The following AGBL1 variants were observed in gnomAD, a reference collection of about 807,000 sequenced individuals.
The protein encoded by AGBL1 is AGBL carboxypeptidase 1.
A neutral mutation model predicts 118.9 loss-of-function variants in AGBL1; 130 were observed. The ratio of observed to expected loss-of-function variants is 1.09; its 90% confidence interval spans 0.95 to 1.26. The LOEUF (loss-of-function observed/expected upper bound fraction) is 1.26. Among genes scored for constraint, AGBL1 ranks in the 50% most tolerant of loss-of-function variants. AGBL1 has a pLI of 0.00. For missense variants in AGBL1, 1,584 were observed against 1,298.1 expected (o/e 1.22, Z -3.38); for synonymous variants, 555 against 478.9 (o/e 1.16, Z -2.08).
intron 17 of AGBL1, among the ~76,000 whole-genome samples, chr15:86,298,314 T>C (rs1373708861): frequency 8.7e-6 from 1 of 114,360 alleles, no homozygotes; most frequent in Non-Finnish European, 1.9e-5. Flanking sequence ...TATATATATA[T>C]AGGTAACTAT....
intron 5 of AGBL1, among the ~76,000 whole-genome samples, chr15:86,209,809 T>A (rs1423627952): frequency 3.3e-5 from 5 of 152,216 alleles, no homozygotes; most frequent in African/African-American, 1.2e-4. Flanking sequence ...ATTTAGCCCA[T>A]TTACATTTAA....
chr15:86,718,994 G>A (rs978072480), intron 22 of AGBL1, among the ~76,000 whole-genome samples: 5 of 151,974 alleles, frequency 3.3e-5, no homozygotes, highest in Non-Finnish European at 7.4e-5. Context: ...TGAAATCAAC[G>A]ATCTATCCCT....
intron 22 of AGBL1, among the ~76,000 whole-genome samples, chr15:86,697,760 C>G (rs900085724): frequency 1.3e-5 from 2 of 151,890 alleles, no homozygotes; most frequent in Non-Finnish European, 2.9e-5. Flanking sequence ...TGTTTATATT[C>G]TTTTGGCCCA....
intron 17 of AGBL1, among the ~76,000 whole-genome samples, chr15:86,298,246 A>AATATAT (rs59968237): frequency 0.019 from 1,326 of 69,680 alleles, 43 homozygotes; most frequent in East Asian, 0.1. Context: ...GTCTGTGTAT[A>AATATAT]ATATATATAT....
chr15:86,767,678 A>T (rs2078115788), intron 22 of AGBL1, among the ~76,000 whole-genome samples: 1 of 151,986 alleles, frequency 6.6e-6, no homozygotes, highest in Non-Finnish European at 1.5e-5. Context: ...ATAGTAGAGA[A>T]AACTGAGATT....
chr15:86,430,687 A>G (rs373166388), intron 18 of AGBL1, among the ~76,000 whole-genome samples: 1 of 152,288 alleles, frequency 6.6e-6, no homozygotes, highest in Non-Finnish European at 1.5e-5. Flanking sequence ...CTGTGGAAGC[A>G]AAGAAAAGGC....
At chr15:86,919,395 G>T (rs2080461755), downstream of AGBL1, among the ~76,000 whole-genome samples, 3 of 151,092 alleles carry the variant, frequency 2.0e-5, no homozygotes, top group South Asian at 2.1e-4. Context: ...TAGTTTTTTT[G>T]TTGTTGTTTT....
At chr15:86,287,058 A>G (rs2079466540) in intron 16 of AGBL1, among the ~76,000 whole-genome samples, 1 of 152,054 alleles carries the variant, frequency 6.6e-6, no homozygotes, top group South Asian at 2.1e-4. Flanking sequence ...ACAAGTGTGA[A>G]GTGGTATCTC....
At chr15:86,892,638 T>C (rs2080068119) in intron 22 of AGBL1, among the ~76,000 whole-genome samples, 1 of 152,180 alleles carries the variant, frequency 6.6e-6, no homozygotes, top group African/African-American at 2.4e-5. Flanking sequence ...GAGAGAACAA[T>C]GGCCAAGCAC....
intron 20 of AGBL1, among the ~76,000 whole-genome samples, chr15:86,551,550 G>T (rs895469314): frequency 2.6e-5 from 4 of 152,164 alleles, no homozygotes; most frequent in Non-Finnish European, 4.4e-5. Flanking sequence ...GTGGAAAGAA[G>T]AATTAGTAAT....
chr15:86,934,767 G>T (rs1050471220), intron 23 of AGBL1, among the ~76,000 whole-genome samples: 1 of 152,058 alleles, frequency 6.6e-6, no homozygotes, highest in Admixed American at 6.5e-5. Flanking sequence ...ATTTATTATT[G>T]TGGTTACTTC....
chr15:86,213,762 TACATA>T (rs1222502581), intron 5 of AGBL1, among the ~76,000 whole-genome samples: 1 of 152,196 alleles, frequency 6.6e-6, no homozygotes, highest in Non-Finnish European at 1.5e-5. Flanking sequence ...TTATAAAAGA[TACATA>T]ACCTAAAATT....
At chr15:86,520,984 A>G (rs2142197381) in intron 18 of AGBL1, among the ~76,000 whole-genome samples, 1 of 152,314 alleles carries the variant, frequency 6.6e-6, no homozygotes, top group South Asian at 2.1e-4. Context: ...CTCTATTTCT[A>G]GATGTCATTG....
chr15:86,477,120 G>A (rs551068872), intron 18 of AGBL1, among the ~76,000 whole-genome samples: 56 of 152,204 alleles, frequency 3.7e-4, no homozygotes, highest in Middle Eastern at 3.4e-3. Flanking sequence ...ATGCCCACAA[G>A]AGAAAGCAGG....
At position 86,722,753 on chromosome 15, in the gene AGBL1, A is replaced by G. The variant is rs1377986327; in HGVS notation, c.3158+48317A>G. ...GAATGGGAGAAAAGTTTTGCAATCT[A>G]CTCATCTGACAAAGGGCTAATATCC... On this transcript the variant is annotated intron_variant, in intron 22 of 22. Coordinates refer to ENST00000614907, the MANE Select transcript of AGBL1 (RefSeq NM_001386094.1). Among the ~76,000 whole-genome samples, 7 of 152,190 alleles carry G rather than the reference A, an allele frequency of 4.6e-5. No homozygotes were observed. In the South Asian group the frequency reaches 1.0e-3, roughly 23 times the overall value.
intron 22 of AGBL1, among the ~76,000 whole-genome samples, chr15:86,801,798 A>G (rs1405766046): frequency 6.6e-6 from 1 of 152,122 alleles, no homozygotes; most frequent in Non-Finnish European, 1.5e-5. Flanking sequence ...CTGGGAGAAA[A>G]GCAAGTACTA....
chr15:86,142,407 G>A (rs2076976024), intron 2 of AGBL1, among the ~76,000 whole-genome samples: 1 of 152,180 alleles, frequency 6.6e-6, no homozygotes, highest in African/African-American at 2.4e-5. Flanking sequence ...TTGAAGTAGA[G>A]GCAGGAATAT....
At chr15:86,801,013 C>T (rs551566668) in intron 22 of AGBL1, among the ~76,000 whole-genome samples, 10 of 152,070 alleles carry the variant, frequency 6.6e-5, no homozygotes, top group African/African-American at 2.4e-4. Flanking sequence ...AACAAAAGGT[C>T]GTTGAGTTTG....
chr15:86,796,726 T>C (rs1403184933), intron 22 of AGBL1, among the ~76,000 whole-genome samples: 1 of 152,238 alleles, frequency 6.6e-6, no homozygotes, highest in Non-Finnish European at 1.5e-5. Context: ...CACCCATCTA[T>C]TTACATATCA....
Sources: allele counts gnomAD v4.1 joint callset (sites outside exome capture counted in the v4.1 genomes callset), GRCh38; gene constraint gnomAD v4.1.1; transcripts MANE v1.5; gene names NCBI Gene and HGNC (gene_info 2026-07-23, HGNC 2026-07-21).